FLNB: variants seen among roughly 807,000 people sequenced by gnomAD.
FLNB encodes filamin-B.
A neutral mutation model predicts 250.6 loss-of-function variants in FLNB; 111 were observed. The ratio of observed to expected loss-of-function variants is 0.44; its 90% CI spans 0.38 to 0.52. The LOEUF (loss-of-function observed/expected upper bound fraction) is 0.52. FLNB is among the 20% of genes least tolerant of loss of function. The pLI is 0.00. For missense variants in FLNB, 2,869 were observed against 3,447.8 expected, an observed-to-expected ratio of 0.83 and a Z score of 4.20; for synonymous variants, 1,302 against 1,372.1, an observed-to-expected ratio of 0.95 and a Z score of 1.13.
At chr3:58,161,244 CA>C (rs1287343703) in intron 42 of FLNB, among the ~76,000 whole-genome samples, 1 of 152,136 alleles carries the variant, frequency 6.6e-6, no homozygotes, top group Non-Finnish European at 1.5e-5. Flanking sequence ...GAATCCATTC[CA>C]AAATGTTCCA....
In FLNB at chr3:58,142,477, G is replaced by T. The variant is rs549728971; in HGVS notation, c.5182-173G>T. 2.6e-5 allele frequency among the ~76,000 whole-genome samples: 4 copies of T among 152,254 alleles called. No individual in the cohort carries two copies. The highest frequency in any genetic ancestry group is 7.2e-5 in the African/African-American group (3 of 41,566). On this transcript the variant is annotated intron_variant, in intron 30 of 45. Coordinates refer to ENST00000295956, the MANE Select transcript of FLNB (RefSeq NM_001457.4). The surrounding 1 kb of genome is among the most constrained non-coding windows in gnomAD (Gnocchi z 4.3). ...CAGCATGACCTCTCCAGTCCCTCAG[G>T]TTCTACCCTGGGTCTGGAGCCACTT... is the stretch of plus-strand genomic sequence containing the variant.
intron 43 of FLNB, chr3:58,165,899 C>A (rs754113290): frequency 2.6e-5 from 4 of 152,138 alleles, no homozygotes; most frequent in Non-Finnish European, 4.4e-5. Context: ...GGGAAGACCG[C>A]CACGCCCAGA....
chr3:58,043,546 C>T (rs1209845066), intron 1 of FLNB, among the ~76,000 whole-genome samples: 1 of 152,160 alleles, frequency 6.6e-6, no homozygotes, highest in East Asian at 1.9e-4. Context: ...TGCCCCCAAG[C>T]ATTACTTGGT....
At chr3:58,079,330 G>A (rs1013234309) in intron 3 of FLNB, among the ~76,000 whole-genome samples, 2 of 149,782 alleles carry the variant, frequency 1.3e-5, no homozygotes, top group African/African-American at 5.0e-5. Context: ...TCCACTCACT[G>A]CAACCTCTGC....
At chr3:58,046,955 G>A (rs1287365941) in intron 1 of FLNB, among the ~76,000 whole-genome samples, 1 of 152,170 alleles carries the variant, frequency 6.6e-6, no homozygotes, top group East Asian at 1.9e-4. Flanking sequence ...TGTTATGTCT[G>A]TACTTTATTC....
At chr3:58,125,895 A>G in intron 23 of FLNB, 152 bp downstream of exon 23, 1 of 734,510 alleles carries the variant, frequency 1.4e-6, no homozygotes, top group Admixed American at 2.7e-5. Flanking sequence ...TAGAAAGACC[A>G]AGCATACCTA....
At chr3:58,040,504 T>G (rs1205031994) in intron 1 of FLNB, among the ~76,000 whole-genome samples, 1 of 152,104 alleles carries the variant, frequency 6.6e-6, no homozygotes, top group East Asian at 1.9e-4. Flanking sequence ...CTTTTTTTTA[T>G]TGTTGTTGAG....
chr3:58,100,373 A>AAAAAATATATATATATATATATAT, intron 8 of FLNB, among the ~76,000 whole-genome samples: 2,284 of 104,218 alleles, frequency 0.022, 121 homozygotes, highest in East Asian at 0.14. Flanking sequence ...GTAAAAAAAA[A>AAAAAATATATATATATATATATAT]ATATATATAT....
Position 58,134,792 on chromosome 3 carries a change from T to C in FLNB, c.4671+20T>C, listed in dbSNP as rs1343047410. 2 of 1,611,442 alleles carry C rather than the reference T, an allele frequency of 1.2e-6. No individual in the cohort carries two copies. The highest frequency in any genetic ancestry group is 3.3e-5 in the Admixed American group (2 of 60,024). On this transcript the variant is annotated intron_variant, in intron 27 of 45. Transcript: ENST00000295956. ...ATAACGGTAACTTGGAGTTATTTTC[T>C]GAGCCAAACCTTAATCCTAAGACTT...
intron 1 of FLNB, among the ~76,000 whole-genome samples, chr3:58,021,984 G>C (rs2097114791): frequency 6.6e-6 from 1 of 152,038 alleles, no homozygotes; most frequent in Non-Finnish European, 1.5e-5. Context: ...TGTTGCCCAG[G>C]CTGGTCTTGA....
At chr3:58,094,283 G>A (rs1403842582) in intron 4 of FLNB, among the ~76,000 whole-genome samples, 1 of 152,098 alleles carries the variant, frequency 6.6e-6, no homozygotes, top group Non-Finnish European at 1.5e-5. Flanking sequence ...GGCCAGGCTG[G>A]TCTTGAACGC....
At chr3:58,102,424 G>T (rs1040553320) in intron 9 of FLNB, 84 bp downstream of exon 9, 39 of 1,448,036 alleles carry the variant, frequency 2.7e-5, no homozygotes, top group Non-Finnish European at 3.5e-5. Flanking sequence ...CCCACGGCCA[G>T]TTGTCCTCAA....
rs200336490 is a variant in FLNB, at chr3:58,095,225, G to GTATT, written c.906+274_906+275insTTAT. The stretch of plus-strand genomic sequence containing the variant: ...AGGTGCCTTGTCAGTTGAGGTTTAT[G>GTATT]TATGTATTTATTTATTTATTTATTT... On this transcript the variant is annotated intron_variant, in intron 5 of 45. Coordinates refer to ENST00000295956, the MANE Select transcript of FLNB (RefSeq NM_001457.4). 0.016 allele frequency among the ~76,000 whole-genome samples: 1,578 copies of GTATT among 96,030 alleles called. 33 individuals are homozygous for GTATT. The highest frequency in any genetic ancestry group is 0.055 in the African/African-American group (1,488 of 27,106). The allele number at this position is 96,030 out of a possible 152,430, so 63.0% of individuals were successfully genotyped here. A position where few individuals can be genotyped will look rare whatever the true frequency, so the allele number is the denominator to read the frequency against.
chr3:58,009,169 A>G (rs186783537), intron 1 of FLNB, among the ~76,000 whole-genome samples: 23 of 152,234 alleles, frequency 1.5e-4, no homozygotes, highest in African/African-American at 5.1e-4. Context: ...GGGCGCCCCT[A>G]TGGGAGCTAG....
chr3:58,073,505 A>T (rs1399188497), intron 1 of FLNB, among the ~76,000 whole-genome samples: 1 of 151,768 alleles, frequency 6.6e-6, no homozygotes, highest in Non-Finnish European at 1.5e-5. Context: ...TCATGACCAC[A>T]TGACCCGTGT....
intron 18 of FLNB, among the ~76,000 whole-genome samples, chr3:58,115,345 C>A (rs1483229795): frequency 6.6e-6 from 1 of 152,212 alleles, no homozygotes; most frequent in East Asian, 1.9e-4. Context: ...AAGGCCATGA[C>A]GTCTTCTAAA....
At chr3:58,156,321 A>G (rs569418971) in intron 41 of FLNB, among the ~76,000 whole-genome samples, 16 of 152,238 alleles carry the variant, frequency 1.1e-4, no homozygotes, top group Non-Finnish European at 2.2e-4. Flanking sequence ...GTTTGGGGAC[A>G]CGTTTGTTTT....
At chr3:58,101,506 C>G (rs186459676) in intron 8 of FLNB, among the ~76,000 whole-genome samples, 1 of 152,282 alleles carries the variant, frequency 6.6e-6, no homozygotes, top group Admixed American at 6.5e-5. Flanking sequence ...GCTATCTTCG[C>G]CCTTAACTTT....
chr3:58,077,604 C>A (rs13062947), intron 2 of FLNB, among the ~76,000 whole-genome samples: 44 of 152,176 alleles, frequency 2.9e-4, no homozygotes, highest in African/African-American at 1.0e-3. Flanking sequence ...CTGTGTCTTC[C>A]CACATTGGTG....
Sources: gnomAD v4.1 joint callset for allele counts (sites outside exome capture counted in the v4.1 genomes callset) on GRCh38, gnomAD v4.1.1 for gene constraint, Gnocchi (gnomAD v3.1) non-coding constraint, MANE v1.5 for transcripts, NCBI Gene and HGNC (gene_info 2026-07-23, HGNC 2026-07-21) for gene names.